MYRFL: variants seen among roughly 807,000 people sequenced by gnomAD.
The protein encoded by MYRFL is myelin regulatory factor like, also known as myelin regulatory factor-like protein.
In MYRFL, 88 loss-of-function variants were observed where a neutral mutation model predicts 109.4. That is an observed-to-expected ratio of 0.80 (90% confidence interval 0.68 to 0.96). The LOEUF is 0.96. MYRFL is among the 40% of genes least tolerant of loss of function. MYRFL has a pLI of 0.00. For missense variants in MYRFL, 957 were observed against 954.9 expected (o/e 1.00, Z -0.03); for synonymous variants, 324 against 320.9 (o/e 1.01, Z -0.10).
intron 1 of MYRFL, among the ~76,000 whole-genome samples, chr12:69,854,206 G>A (rs1374492231): frequency 2.0e-5 from 3 of 152,128 alleles, no homozygotes; most frequent in African/African-American, 4.8e-5. Flanking sequence ...CCAGTCAGGC[G>A]TGGCGGCGCG....
At chr12:69,932,419 C>G in intron 15 of MYRFL, 94 bp from the exon 16 acceptor site, 1 of 774,412 alleles carries the variant, frequency 1.3e-6, no homozygotes, top group Non-Finnish European at 2.1e-6. Flanking sequence ...CCCAAGAGAG[C>G]AGCAAATACC....
At chr12:69,867,477 G>T (rs1885079126) in intron 2 of MYRFL, among the ~76,000 whole-genome samples, 1 of 152,192 alleles carries the variant, frequency 6.6e-6, no homozygotes, top group South Asian at 2.1e-4. Context: ...TTGAGATCTG[G>T]TATAAGGGTA....
chr12:69,835,834 G>A (rs1364044943), intron 1 of MYRFL, among the ~76,000 whole-genome samples: 4 of 152,198 alleles, frequency 2.6e-5, no homozygotes, highest in Admixed American at 6.5e-5. Flanking sequence ...AGGCTGTGGG[G>A]CTCCAACACC....
intron 9 of MYRFL, 71 bp downstream of exon 9, chr12:69,895,552 C>A: frequency 1.6e-6 from 2 of 1,229,508 alleles, no homozygotes; most frequent in Non-Finnish European, 2.3e-6. Flanking sequence ...CCTCCTGGGG[C>A]CCCTCTGATC....
intron 5 of MYRFL, among the ~76,000 whole-genome samples, chr12:69,884,250 A>T (rs1886313005): frequency 6.6e-6 from 1 of 152,230 alleles, no homozygotes; most frequent in Non-Finnish European, 1.5e-5. Flanking sequence ...TGCAGAAAGC[A>T]CTCAAAGTAG....
rs953503322 is a variant in MYRFL, at chr12:69,936,162, C to T, written c.1966C>T (p.Arg656Ter). 12 of 1,501,192 alleles carry T rather than the reference C, an allele frequency of 8.0e-6. No homozygotes were observed. In the East Asian group the frequency reaches 2.1e-4, roughly 26 times the overall value. 93.0% of individuals were successfully genotyped at this position (1,501,192 alleles called of 1,614,324 possible). Reference sequence around the variant, plus strand: ...TATACTTAGCTTAAAAGATCAAGACCGACGTGTCCCAAATCTCCCTCCAAG... The same window carrying T: ...TATACTTAGCTTAAAAGATCAAGACTGACGTGTCCCAAATCTCCCTCCAAG... ...LYILSLKDQD[R>*]RVPNLPPSNI... The change falls in exon 17 of 25, where the codon CGA becomes TGA. Residue 656 changes from arginine (R) to a stop codon, truncating the protein, a stop_gained. Transcript: ENST00000552032. LOFTEE classifies it high-confidence loss of function.
intron 15 of MYRFL, 118 bp downstream of exon 15, chr12:69,927,866 C>G: frequency 1.1e-6 from 1 of 881,732 alleles, no homozygotes; most frequent in South Asian, 1.7e-5. Flanking sequence ...AGTTTGCATC[C>G]TTATGTACTA....
intron 19 of MYRFL, among the ~76,000 whole-genome samples, chr12:69,943,857 TC>T (rs1189591117): frequency 1.3e-5 from 2 of 152,056 alleles, no homozygotes; most frequent in South Asian, 2.1e-4. Flanking sequence ...AACAGCCCCA[TC>T]AAAAAGTGGA....
intron 2 of MYRFL, among the ~76,000 whole-genome samples, chr12:69,877,617 C>T (rs1309984354): frequency 1.3e-5 from 2 of 152,038 alleles, no homozygotes; most frequent in Non-Finnish European, 2.9e-5. Context: ...TCTCTTTATT[C>T]CTTTACATTT....
At chr12:69,827,051 T>G (rs1429185764) in intron 1 of MYRFL, among the ~76,000 whole-genome samples, 3 of 152,128 alleles carry the variant, frequency 2.0e-5, no homozygotes, top group Non-Finnish European at 4.4e-5. Context: ...TACCCTCTCC[T>G]TGAATCTGAT....
intron 11 of MYRFL, among the ~76,000 whole-genome samples, chr12:69,909,366 A>G (rs1242855990): frequency 6.6e-6 from 1 of 152,166 alleles, no homozygotes; most frequent in Non-Finnish European, 1.5e-5. Context: ...GTTTTCTTAA[A>G]ACAACAATAA....
chr12:69,952,683 C>T, intron 20 of MYRFL, 116 bp from the exon 21 acceptor site: 1 of 719,554 alleles, frequency 1.4e-6, no homozygotes, highest in Non-Finnish European at 2.2e-6. Flanking sequence ...AATGGAATCT[C>T]TTGACCTGGG....
intron 13 of MYRFL, among the ~76,000 whole-genome samples, chr12:69,917,214 T>A (rs1376695953): frequency 6.6e-6 from 1 of 152,122 alleles, no homozygotes; most frequent in East Asian, 1.9e-4. Flanking sequence ...AGGGCCACTG[T>A]AAGAATGTGT....
chr12:69,891,638 T>TCCTCC (rs1566002347), intron 7 of MYRFL, among the ~76,000 whole-genome samples: 10 of 4,390 alleles, frequency 2.3e-3, no homozygotes, highest in Admixed American at 3.5e-3. Flanking sequence ...TTCCTTTCTT[T>TCCTCC]TTCTTTCTTT....
chr12:69,871,334 G>A (rs973948721), intron 2 of MYRFL, among the ~76,000 whole-genome samples: 8 of 148,118 alleles, frequency 5.4e-5, no homozygotes, highest in Non-Finnish European at 8.9e-5. Flanking sequence ...CCGGGTTCAC[G>A]CCATTCTGCC....
chr12:69,872,506 AT>A (rs552885631), intron 2 of MYRFL, among the ~76,000 whole-genome samples: 39 of 147,306 alleles, frequency 2.6e-4, no homozygotes, highest in African/African-American at 5.0e-4. Context: ...AATAAAAAAA[AT>A]TTTTTTTTTT....
intron 11 of MYRFL, among the ~76,000 whole-genome samples, chr12:69,906,116 G>T (rs986250124): frequency 2.6e-5 from 4 of 152,204 alleles, no homozygotes; most frequent in Non-Finnish European, 4.4e-5. Flanking sequence ...TACAATTGGG[G>T]AAAATGGATA....
At chr12:69,860,846 C>T (rs1040684492) in intron 2 of MYRFL, among the ~76,000 whole-genome samples, 27 of 144,994 alleles carry the variant, frequency 1.9e-4, no homozygotes, top group African/African-American at 5.1e-4. Flanking sequence ...CCCATTAACT[C>T]ATCATTTAGC....
chr12:69,943,692 TTAAAC>T (rs1955740317), intron 19 of MYRFL, among the ~76,000 whole-genome samples: 2 of 144,214 alleles, frequency 1.4e-5, no homozygotes, highest in Non-Finnish European at 3.1e-5. Context: ...TGGGATCTAA[TTAAAC>T]TAAAGAGCTT....
Sources: gnomAD v4.1 joint callset for allele counts (sites outside exome capture counted in the v4.1 genomes callset) on GRCh38, gnomAD v4.1.1 for gene constraint, MANE v1.5 for transcripts, NCBI Gene and HGNC (gene_info 2026-07-23, HGNC 2026-07-21) for gene names.